UACA: variants seen among roughly 807,000 people sequenced by gnomAD.
UACA encodes the protein nuclear membrane binding protein.
A neutral mutation model predicts 160.5 loss-of-function variants in UACA; 112 were observed. That is an observed-to-expected ratio of 0.70 (90% confidence interval 0.60 to 0.82). The LOEUF is 0.82. Among genes scored for constraint, UACA ranks in the 40% least tolerant of loss-of-function variants. The pLI, the probability that UACA is intolerant of heterozygous loss-of-function variation, is 0.00. For synonymous variants in UACA, 557 were observed against 568.4 expected, an observed-to-expected ratio of 0.98 and a Z score of 0.29; for missense variants, 1,574 against 1,614.6, an observed-to-expected ratio of 0.97 and a Z score of 0.43.
Position 70,754,291 on chromosome 15 carries a change from A to AAG in UACA, c.78+9038_78+9039insCT. The AAG allele has an allele frequency of 8.6e-6, 3 of 350,404 alleles. No individual in the cohort carries two copies. In the East Asian group the frequency reaches 2.6e-4, roughly 30 times the overall value. 21.7% of individuals were successfully genotyped at this position (350,404 alleles called of 1,614,324 possible). ...GACTTTACAACAGTACAAAAGCTAC[A>AAG]TGCATTCAGCAGAAACTGTATGTAC... On this transcript the variant is annotated intron_variant, in intron 1 of 18. Coordinates refer to ENST00000322954, the MANE Select transcript of UACA (RefSeq NM_018003.4).
intron 10 of UACA, among the ~76,000 whole-genome samples, chr15:70,679,038 C>T (rs1408684371): frequency 6.6e-6 from 1 of 152,142 alleles, no homozygotes; most frequent in Non-Finnish European, 1.5e-5. Context: ...CTACACCATA[C>T]TTCTAGCGTT....
At chr15:70,712,377 C>G (rs75162713) in intron 1 of UACA, among the ~76,000 whole-genome samples, 5,409 of 152,214 alleles carry the variant, frequency 0.036, 159 homozygotes, top group Middle Eastern at 0.092. Context: ...CATCCCTCAC[C>G]AGGATGGCTG....
intron 4 of UACA, among the ~76,000 whole-genome samples, chr15:70,691,020 G>A (rs1052371199): frequency 6.6e-6 from 1 of 152,072 alleles, no homozygotes; most frequent in Admixed American, 6.6e-5. Context: ...TATCTTCCAC[G>A]ATAGTCTAGA....
chr15:70,680,743 A>C lies in UACA; in HGVS notation c.823-1067T>G, dbSNP rs376245664. 2.0e-5 allele frequency among the ~76,000 whole-genome samples: 3 copies of C among 152,248 alleles called. No homozygotes were observed. In the East Asian group the frequency reaches 5.8e-4, roughly 29 times the overall value. The stretch of plus-strand genomic sequence containing the variant: ...AAATCAACCGCATCCTTTAATTAAG[A>C]TCCATCTTCCTGACAAGCCTTGTTA... On this transcript the variant is annotated intron_variant, in intron 9 of 18. Coordinates refer to ENST00000322954, the MANE Select transcript of UACA (RefSeq NM_018003.4).
intron 5 of UACA, 79 bp from the exon 6 acceptor site, chr15:70,687,899 G>T: frequency 7.2e-7 from 1 of 1,382,644 alleles, no homozygotes; most frequent in Non-Finnish European, 1.0e-6. Flanking sequence ...TCCATATAAG[G>T]AATAAGTTTT....
chr15:70,749,980 C>T (rs1047783332), intron 1 of UACA, among the ~76,000 whole-genome samples: 1 of 152,146 alleles, frequency 6.6e-6, no homozygotes, highest in Non-Finnish European at 1.5e-5. Flanking sequence ...CTGAACAGTG[C>T]ATCAAACCCA....
At chr15:70,678,791 T>C (rs1365508628) in intron 10 of UACA, among the ~76,000 whole-genome samples, 2 of 152,158 alleles carry the variant, frequency 1.3e-5, no homozygotes, top group Non-Finnish European at 2.9e-5. Context: ...TTGGAAACTT[T>C]GACCAATATA....
chr15:70,665,305 T>G (rs1896865594), intron 16 of UACA, among the ~76,000 whole-genome samples: 1 of 152,240 alleles, frequency 6.6e-6, no homozygotes, highest in African/African-American at 2.4e-5. Flanking sequence ...GAGGCTTGTT[T>G]ATAGGAATAG....
intron 1 of UACA, among the ~76,000 whole-genome samples, chr15:70,711,548 G>A (rs566706104): frequency 5.3e-5 from 8 of 150,982 alleles, no homozygotes; most frequent in South Asian, 4.2e-4. Context: ...ACACCTATGC[G>A]CAAAGGGATA....
intron 4 of UACA, among the ~76,000 whole-genome samples, chr15:70,690,804 T>C (rs1897908314): frequency 6.6e-6 from 1 of 152,020 alleles, no homozygotes. Context: ...GAATTAAAAC[T>C]TGAGATACTG....
the UACA span, among the ~76,000 whole-genome samples, chr15:70,775,652 A>G: frequency 6.6e-6 from 1 of 152,308 alleles, no homozygotes. Flanking sequence ...TATTCAAAAG[A>G]TTAATTGAAT....
chr15:70,760,692 A>C (rs2141019738), intron 1 of UACA, among the ~76,000 whole-genome samples: 1 of 152,164 alleles, frequency 6.6e-6, no homozygotes, highest in Non-Finnish European at 1.5e-5. Flanking sequence ...CTGTAGTCCC[A>C]GCTACTCAGG....
intron 14 of UACA, chr15:70,671,312 TTTC>T (rs1027458075): frequency 4.1e-4 from 134 of 327,856 alleles, no homozygotes; most frequent in African/African-American, 2.5e-3. Context: ...GGTTTTTTTT[TTTC>T]TTATTTTTTT....
At chr15:70,735,521 T>C (rs1046070757) in intron 1 of UACA, among the ~76,000 whole-genome samples, 1 of 152,106 alleles carries the variant, frequency 6.6e-6, no homozygotes, top group Non-Finnish European at 1.5e-5. Context: ...AAAAAAAATA[T>C]CACCACTAAC....
At chr15:70,713,469 T>A (rs558072119) in intron 1 of UACA, among the ~76,000 whole-genome samples, 1 of 152,108 alleles carries the variant, frequency 6.6e-6, no homozygotes, top group Admixed American at 6.5e-5. Context: ...TCCCAGACAG[T>A]GGGAACAACT....
chr15:70,762,051 T>TA (rs530247134), intron 1 of UACA, among the ~76,000 whole-genome samples: 188 of 149,632 alleles, frequency 1.3e-3, no homozygotes, highest in Non-Finnish European at 1.8e-3. Flanking sequence ...TTACTTTTTT[T>TA]AAAAAAAAAA....
chr15:70,677,818 C>CAA (rs1419164052), intron 11 of UACA, among the ~76,000 whole-genome samples: 1 of 152,144 alleles, frequency 6.6e-6, no homozygotes, highest in Non-Finnish European at 1.5e-5. Flanking sequence ...TTACTTCCTT[C>CAA]AAAATTCAAC....
intron 2 of UACA, among the ~76,000 whole-genome samples, chr15:70,697,759 T>C (rs1335718609): frequency 6.6e-6 from 1 of 152,182 alleles, no homozygotes; most frequent in Non-Finnish European, 1.5e-5. Context: ...CTAGAAAGAA[T>C]TCTACTCTTG....
chr15:70,712,501 C>T (rs1898713469), intron 1 of UACA, among the ~76,000 whole-genome samples: 1 of 152,196 alleles, frequency 6.6e-6, no homozygotes, highest in Admixed American at 6.5e-5. Flanking sequence ...ACCACCACCA[C>T]TTCCCTATAT....
Sources: allele counts gnomAD v4.1 joint callset (sites outside exome capture counted in the v4.1 genomes callset), GRCh38; gene constraint gnomAD v4.1.1; transcripts MANE v1.5; gene names NCBI Gene and HGNC (gene_info 2026-07-23, HGNC 2026-07-21).